Variants in SBF2 observed in about 807,000 individuals in gnomAD.
SBF2 encodes the protein myotubularin-related protein 13.
In SBF2, 112 loss-of-function variants were observed where a neutral mutation model predicts 225.2. That is an observed-to-expected ratio of 0.50 (90% CI 0.43 to 0.58). The LOEUF (loss-of-function observed/expected upper bound fraction) is 0.58, where lower values mean the gene tolerates loss of function less well. Ranked by LOEUF, SBF2 falls within the 20% of genes least tolerant of loss-of-function variation. The pLI is 0.00. For synonymous variants in SBF2, 763 were observed against 773.3 expected (o/e 0.99, Z 0.22); for missense variants, 1,996 against 2,206.2 (o/e 0.90, Z 1.91).
intron 3 of SBF2, among the ~76,000 whole-genome samples, chr11:10,040,752 G>C (rs1207510011): frequency 6.6e-6 from 1 of 151,694 alleles, no homozygotes; most frequent in African/African-American, 2.4e-5. Flanking sequence ...GGGGGAGATG[G>C]GGAGAGGAGA....
At position 10,270,863 on chromosome 11, in the gene SBF2, CG is replaced by C. The variant is rs1256270247; in HGVS notation, c.55+23151del. Among the ~76,000 whole-genome samples the C allele has an allele frequency of 4.6e-5, 7 of 151,822 alleles. No individual in the cohort carries two copies. In the East Asian group the frequency reaches 1.4e-3, roughly 29 times the overall value. On this transcript the variant is annotated intron_variant, in intron 1 of 39. Transcript: ENST00000256190. ...GAAAAAAGTTAGCCAAGCCTGGTGG[CG>C]GGGGCCTGTAGTCCCAGCTACTGGG...
chr11:9,829,572 C>T lies in SBF2; in HGVS notation c.3653-76G>A, dbSNP rs1855264517. On this transcript the variant is annotated intron_variant, in intron 27 of 39. Coordinates refer to ENST00000256190, the MANE Select transcript of SBF2 (RefSeq NM_030962.4). Reference sequence around the variant, plus strand: ...AACAAGTATCTATCTATCTATCTATCTACCTATCTATCTATGCTTATTTTT... The same window carrying T: ...AACAAGTATCTATCTATCTATCTATTTACCTATCTATCTATGCTTATTTTT... 6.4e-6 allele frequency: 8 copies of T among 1,247,906 alleles called. No homozygotes were observed. The South Asian group carries it at 9.7e-5, about 15-fold the overall frequency. The allele number at this position is 1,247,906 out of a possible 1,614,324, so 77.3% of individuals were successfully genotyped here.
chr11:10,192,368 G>A (rs569221805), intron 2 of SBF2, among the ~76,000 whole-genome samples: 422 of 152,198 alleles, frequency 2.8e-3, no homozygotes, highest in Non-Finnish European at 4.2e-3. Context: ...ACCTAGCAAT[G>A]TATCTTTAAT....
intron 16 of SBF2, among the ~76,000 whole-genome samples, chr11:9,925,981 T>C (rs989384529): frequency 2.0e-5 from 3 of 152,118 alleles, no homozygotes; most frequent in African/African-American, 4.8e-5. Context: ...TCCATGAAAT[T>C]AGTTATAGAT....
At chr11:10,180,833 A>G (rs933917831) in intron 2 of SBF2, among the ~76,000 whole-genome samples, 2 of 152,100 alleles carry the variant, frequency 1.3e-5, no homozygotes, top group African/African-American at 4.8e-5. Context: ...TGCTGTTAAG[A>G]GACTCTGATG....
chr11:9,917,937 C>T (rs978406857), intron 16 of SBF2, among the ~76,000 whole-genome samples: 1 of 151,460 alleles, frequency 6.6e-6, no homozygotes, highest in Non-Finnish European at 1.5e-5. Context: ...TTTTGGTAAA[C>T]AGGACCAGCA....
rs140434806 is a variant in SBF2 at position 9,901,305 on chromosome 11, C to A, written c.1861-5294G>T. 1.4e-4 allele frequency among the ~76,000 whole-genome samples: 21 copies of A among 152,218 alleles called. No homozygotes were observed. In the East Asian group the frequency reaches 4.1e-3, roughly 29 times the overall value. ...TAGTATTAGTTGTGAACTCAAGAGACTCAAGGGATAGGACAAAAAGACTAG... is the reference window on the plus strand; with the variant it reads ...TAGTATTAGTTGTGAACTCAAGAGAATCAAGGGATAGGACAAAAAGACTAG... On this transcript the variant is annotated intron_variant, in intron 16 of 39. Transcript: ENST00000256190.
At chr11:10,239,150 T>C (rs1035274000) in intron 1 of SBF2, among the ~76,000 whole-genome samples, 3 of 150,612 alleles carry the variant, frequency 2.0e-5, no homozygotes, top group African/African-American at 4.8e-5. Flanking sequence ...TATGTGAATA[T>C]ATATAAACCA....
At chr11:10,238,145 A>G (rs1338007120) in intron 1 of SBF2, among the ~76,000 whole-genome samples, 1 of 152,202 alleles carries the variant, frequency 6.6e-6, no homozygotes, top group Non-Finnish European at 1.5e-5. Flanking sequence ...ACGGTGGCTC[A>G]TACCTGTTAT....
intron 1 of SBF2, among the ~76,000 whole-genome samples, chr11:10,245,162 G>A (rs1959652241): frequency 6.7e-6 from 1 of 148,928 alleles, no homozygotes; most frequent in South Asian, 2.1e-4. Context: ...AATTAAAATG[G>A]GCAAACTAAT....
At chr11:10,270,048 C>A (rs1962341265) in intron 1 of SBF2, among the ~76,000 whole-genome samples, 1 of 151,994 alleles carries the variant, frequency 6.6e-6, no homozygotes, top group African/African-American at 2.4e-5. Flanking sequence ...TTTATAACAG[C>A]AAAAATTTGG....
intron 15 of SBF2, among the ~76,000 whole-genome samples, chr11:9,962,704 G>C (rs147341977): frequency 2.6e-5 from 4 of 152,326 alleles, no homozygotes; most frequent in African/African-American, 9.6e-5. Context: ...CATCCATAAA[G>C]ATGCCTCCTT....
chr11:9,846,145 G>T (rs1335330313), intron 23 of SBF2, among the ~76,000 whole-genome samples: 8 of 152,188 alleles, frequency 5.3e-5, no homozygotes, highest in African/African-American at 1.7e-4. Flanking sequence ...AATCAGTACA[G>T]CTAGGCAATA....
intron 2 of SBF2, among the ~76,000 whole-genome samples, chr11:10,154,516 A>C (rs188406012): frequency 1.1e-4 from 16 of 152,220 alleles, no homozygotes; most frequent in African/African-American, 3.8e-4. Context: ...CCTAGTTTCT[A>C]GTTCTCTGCC....
At chr11:9,814,567 A>G (rs10770067) in intron 29 of SBF2, among the ~76,000 whole-genome samples, 1 of 152,158 alleles carries the variant, frequency 6.6e-6, no homozygotes, top group East Asian at 1.9e-4. Flanking sequence ...TATATACAGA[A>G]GATAAAGAAA....
At chr11:9,827,728 C>T (rs1468200099) in intron 28 of SBF2, among the ~76,000 whole-genome samples, 1 of 152,156 alleles carries the variant, frequency 6.6e-6, no homozygotes, top group Admixed American at 6.5e-5. Flanking sequence ...TTTCAGAGGA[C>T]AGGAGCAAAA....
chr11:9,794,212 T>G (rs565451905), intron 33 of SBF2, among the ~76,000 whole-genome samples: 2 of 151,404 alleles, frequency 1.3e-5, no homozygotes, highest in East Asian at 3.9e-4. Flanking sequence ...AAAATACCAC[T>G]GCCCCCCTGC....
At chr11:10,213,254 A>G (rs1033793035) in intron 1 of SBF2, among the ~76,000 whole-genome samples, 2 of 152,268 alleles carry the variant, frequency 1.3e-5, no homozygotes, top group Admixed American at 1.3e-4. Flanking sequence ...GGATGTTTTT[A>G]GAGAGTAAGG....
intron 2 of SBF2, among the ~76,000 whole-genome samples, chr11:10,157,238 C>T (rs533467043): frequency 6.6e-6 from 1 of 152,276 alleles, no homozygotes; most frequent in African/African-American, 2.4e-5. Flanking sequence ...AAACTGAACC[C>T]CTTCCTTACA....
Sources: allele counts gnomAD v4.1 joint callset (sites outside exome capture counted in the v4.1 genomes callset), GRCh38; gene constraint gnomAD v4.1.1; transcripts MANE v1.5; gene names NCBI Gene and HGNC (gene_info 2026-07-23, HGNC 2026-07-21).